BTBD9: variants seen among roughly 807,000 people sequenced by gnomAD.
The protein encoded by BTBD9 is BTB domain containing 9.
Under a neutral mutation model 64.3 loss-of-function variants are expected in BTBD9, and 49 were observed. That is an observed-to-expected ratio of 0.76 (90% CI 0.61 to 0.97). BTBD9 has a LOEUF of 0.97. Ranked by LOEUF, BTBD9 falls within the 50% of genes least tolerant of loss-of-function variation. BTBD9 has a pLI of 0.00. For missense variants in BTBD9, 598 were observed against 762.1 expected (o/e 0.78, Z 2.53); for synonymous variants, 260 against 274.7 (o/e 0.95, Z 0.53).
intron 1 of BTBD9, among the ~76,000 whole-genome samples, chr6:38,617,799 T>C (rs762292147): frequency 2.6e-5 from 4 of 152,176 alleles, no homozygotes; most frequent in Admixed American, 6.5e-5. Context: ...ATCATCTTCA[T>C]AGGACAAGGG....
chr6:38,374,283 G>GTATATATATATACACACATA (rs1554143528), intron 6 of BTBD9, among the ~76,000 whole-genome samples: 2 of 45,474 alleles, frequency 4.4e-5, no homozygotes, highest in African/African-American at 3.2e-4. Context: ...AAAAAAAAAA[G>GTATATATATATACACACATA]TATATATATA....
In BTBD9 at chr6:38,596,749, C is replaced by T. The variant is rs569777965; in HGVS notation, c.185+1161G>A. On this transcript the variant is annotated intron_variant, in intron 2 of 10. Transcript: ENST00000481247. ...CCGGGAGGCGGAGCTTGCAGTGAGC[C>T]GAGATCGCGCCACTGCACTCCAGCC... 5.7e-3 allele frequency among the ~76,000 whole-genome samples: 831 copies of T among 146,978 alleles called. 2 individuals carry two copies. Among genetic ancestry groups the T allele is most frequent in the Non-Finnish European group, 8.9e-3 (599 of 67,278 alleles).
At chr6:38,264,133 A>G (rs557003517) in intron 8 of BTBD9, among the ~76,000 whole-genome samples, 76 of 152,338 alleles carry the variant, frequency 5.0e-4, no homozygotes, top group Non-Finnish European at 9.1e-4. Flanking sequence ...GAGTGGGCTC[A>G]GTGGCATCAG....
intron 8 of BTBD9, among the ~76,000 whole-genome samples, chr6:38,268,736 T>G (rs534679695): frequency 1.3e-5 from 2 of 152,238 alleles, no homozygotes; most frequent in Non-Finnish European, 2.9e-5. Context: ...GAGCACAATC[T>G]ACAAAGTCTT....
intron 7 of BTBD9, among the ~76,000 whole-genome samples, chr6:38,327,219 CA>C (rs1355807861): frequency 6.6e-6 from 1 of 152,150 alleles, no homozygotes; most frequent in Non-Finnish European, 1.5e-5. Flanking sequence ...AAAAGAAACA[CA>C]CCCATCTTCA....
At chr6:38,483,506 T>C (rs1771259114) in intron 6 of BTBD9, among the ~76,000 whole-genome samples, 1 of 151,976 alleles carries the variant, frequency 6.6e-6, no homozygotes, top group Non-Finnish European at 1.5e-5. Context: ...CTTTCAAAAA[T>C]CTCAACTACC....
rs537453414 is a variant in BTBD9 at position 38,295,346 on chromosome 6, TA to T, written c.1265-6886del. 1.8e-3 allele frequency among the ~76,000 whole-genome samples: 268 copies of T among 152,034 alleles called. 1 individual carries two copies. The highest frequency in any genetic ancestry group is 6.1e-3 in the African/African-American group (254 of 41,468). ...TGCCTGGCTAATTTTTTAAATTTTTTATAGAGACGAGGTCCCATTTTGTTGC... is the reference window on the plus strand; with the variant it reads ...TGCCTGGCTAATTTTTTAAATTTTTTTAGAGACGAGGTCCCATTTTGTTGC... On this transcript the variant is annotated intron_variant, in intron 7 of 10. Coordinates refer to ENST00000481247, the MANE Select transcript of BTBD9 (RefSeq NM_001099272.2).
At chr6:38,299,769 A>G (rs1762314203) in intron 7 of BTBD9, among the ~76,000 whole-genome samples, 1 of 152,078 alleles carries the variant, frequency 6.6e-6, no homozygotes, top group African/African-American at 2.4e-5. Context: ...CCTTTGTCAG[A>G]TGAGTAGGTT....
At chr6:38,599,539 G>T (rs896859995) in intron 1 of BTBD9, among the ~76,000 whole-genome samples, 1 of 152,236 alleles carries the variant, frequency 6.6e-6, no homozygotes, top group Non-Finnish European at 1.5e-5. Context: ...TGAAGAGGTA[G>T]TTGATAGCTC....
At position 38,464,887 on chromosome 6, in the gene BTBD9, T is replaced by C. The variant is rs146252020; in HGVS notation, c.1154+112713A>G. ...CTGAACTGGGAAATATTCCCTTCTG[T>C]TCAATTTTTCTAGAAGAGTTTATGT... On this transcript the variant is annotated intron_variant, in intron 6 of 10. Transcript: ENST00000481247. 6.6e-3 allele frequency among the ~76,000 whole-genome samples: 1,007 copies of C among 152,334 alleles called. 37 individuals are homozygous for C. Among genetic ancestry groups the C allele is most frequent in the Admixed American group, 0.061 (927 of 15,308 alleles).
chr6:38,234,206 A>G (rs1423034704), intron 9 of BTBD9, among the ~76,000 whole-genome samples: 1 of 128,800 alleles, frequency 7.8e-6, no homozygotes, highest in African/African-American at 2.6e-5. Context: ...TTTCTTTCAA[A>G]TATATAACTA....
intron 6 of BTBD9, among the ~76,000 whole-genome samples, chr6:38,411,108 G>A (rs560874582): frequency 7.9e-5 from 12 of 152,208 alleles, no homozygotes; most frequent in African/African-American, 2.6e-4. Context: ...CTTGCACGCC[G>A]TGTTCTTGGA....
At chr6:38,296,175 T>C (rs1248581042) in intron 7 of BTBD9, among the ~76,000 whole-genome samples, 1 of 152,172 alleles carries the variant, frequency 6.6e-6, no homozygotes. Flanking sequence ...CTTAGTTAGC[T>C]CCTCTTCTCC....
chr6:38,531,020 T>G (rs556608422), intron 6 of BTBD9, among the ~76,000 whole-genome samples: 1 of 152,234 alleles, frequency 6.6e-6, no homozygotes, highest in South Asian at 2.1e-4. Context: ...ATCTAAGAGT[T>G]ACAAGTTTTA....
At chr6:38,285,835 A>T (rs1371747567) in intron 8 of BTBD9, among the ~76,000 whole-genome samples, 1 of 152,200 alleles carries the variant, frequency 6.6e-6, no homozygotes, top group Non-Finnish European at 1.5e-5. Flanking sequence ...GAAATTGTGG[A>T]GGCTATCAGG....
intron 7 of BTBD9, among the ~76,000 whole-genome samples, chr6:38,313,236 T>G (rs79713648): frequency 0.022 from 3,285 of 152,354 alleles, 47 homozygotes; most frequent in Middle Eastern, 0.041. Context: ...GGTGATTTTC[T>G]ATCTTACAAC....
chr6:38,604,699 T>C (rs1337251227), intron 1 of BTBD9, among the ~76,000 whole-genome samples: 1 of 152,176 alleles, frequency 6.6e-6, no homozygotes, highest in Non-Finnish European at 1.5e-5. Context: ...AATAGAATAC[T>C]AAATGAACAG....
At chr6:38,407,995 T>C (rs1028342741) in intron 6 of BTBD9, among the ~76,000 whole-genome samples, 4 of 152,218 alleles carry the variant, frequency 2.6e-5, no homozygotes, top group African/African-American at 9.6e-5. Flanking sequence ...GGAATCCCAA[T>C]GAAACAGCTG....
At chr6:38,227,156 A>G (rs997692816) in intron 9 of BTBD9, among the ~76,000 whole-genome samples, 3 of 152,192 alleles carry the variant, frequency 2.0e-5, no homozygotes, top group African/African-American at 7.2e-5. Context: ...TGCTATACTG[A>G]AAGGAGATGC....
Sources: allele counts gnomAD v4.1 joint callset (sites outside exome capture counted in the v4.1 genomes callset), GRCh38; gene constraint gnomAD v4.1.1; transcripts MANE v1.5; gene names NCBI Gene and HGNC (gene_info 2026-07-23, HGNC 2026-07-21).